ZNF516: variants seen among roughly 807,000 people sequenced by gnomAD.
ZNF516 encodes the protein zinc finger protein 516.
In ZNF516, 19 loss-of-function variants were observed where a neutral mutation model predicts 79.7. The ratio of observed to expected loss-of-function variants is 0.24; its 90% CI spans 0.17 to 0.35. The LOEUF is 0.35. Among genes scored for constraint, ZNF516 ranks in the 10% least tolerant of loss-of-function variants. The pLI, the probability that ZNF516 is intolerant of heterozygous loss-of-function variation, is 1.00. For missense variants in ZNF516, 1,678 were observed against 1,679.5 expected, an observed-to-expected ratio of 1.00 and a Z score of 0.02; for synonymous variants, 877 against 739.5, an observed-to-expected ratio of 1.19 and a Z score of -3.02.
intron 3 of ZNF516, among the ~76,000 whole-genome samples, chr18:76,427,047 G>GCA (rs1472100196): frequency 2.0e-5 from 3 of 152,244 alleles, no homozygotes; most frequent in Admixed American, 2.0e-4. Flanking sequence ...CTGCAAAGGT[G>GCA]AGGATCAGGG....
rs377121381 is a variant in ZNF516, at chr18:76,461,051, G to A, written c.-158+1977C>T. On this transcript the variant is annotated intron_variant, in intron 2 of 6. Transcript: ENST00000443185. Reference sequence around the variant, plus strand: ...AAAAAAATTAGCCGGGCGTGGTGGCGCATGCCTGTAATCCCAGCTACTTGG... The same window carrying A: ...AAAAAAATTAGCCGGGCGTGGTGGCACATGCCTGTAATCCCAGCTACTTGG... Among the ~76,000 whole-genome samples, 63 of 152,200 alleles carry A rather than the reference G, an allele frequency of 4.1e-4. 1 individual carries two copies. The East Asian group carries it at 0.01, about 25-fold the overall frequency.
chr18:76,364,054 C>A (rs931505710), intron 6 of ZNF516, among the ~76,000 whole-genome samples: 2 of 152,188 alleles, frequency 1.3e-5, no homozygotes, highest in Non-Finnish European at 2.9e-5. Context: ...GTTCCAGAGG[C>A]AACAGGAAGA....
intron 1 of ZNF516, among the ~76,000 whole-genome samples, chr18:76,466,046 G>A (rs1162341563): frequency 4.6e-5 from 7 of 152,138 alleles, no homozygotes; most frequent in African/African-American, 1.7e-4. Context: ...GAGGCCCCAA[G>A]CAGTCCTCTC....
intron 1 of ZNF516, among the ~76,000 whole-genome samples, chr18:76,470,312 A>C (rs1382123484): frequency 6.6e-6 from 1 of 152,164 alleles, no homozygotes; most frequent in Non-Finnish European, 1.5e-5. Context: ...GTCAGGATAC[A>C]ATTCTAATTC....
At chr18:76,496,072 A>C (rs1915468549), upstream of ZNF516, among the ~76,000 whole-genome samples, 1 of 151,490 alleles carries the variant, frequency 6.6e-6, no homozygotes, top group South Asian at 2.1e-4. Flanking sequence ...TAATAAGTTG[A>C]GTCTGGGACT....
intron 1 of ZNF516, among the ~76,000 whole-genome samples, chr18:76,489,804 A>G (rs565756224): frequency 2.3e-4 from 35 of 152,324 alleles, no homozygotes; most frequent in African/African-American, 7.7e-4. Flanking sequence ...AGCCATCTGG[A>G]AAGATTATTC....
intron 3 of ZNF516, among the ~76,000 whole-genome samples, chr18:76,427,317 T>G (rs1040410606): frequency 6.6e-6 from 1 of 152,100 alleles, no homozygotes; most frequent in South Asian, 2.1e-4. Flanking sequence ...ATGCTGGAGG[T>G]TTATATGAAA....
chr18:76,374,379 A>G (rs2074753531), intron 4 of ZNF516, among the ~76,000 whole-genome samples: 1 of 152,224 alleles, frequency 6.6e-6, no homozygotes, highest in African/African-American at 2.4e-5. Flanking sequence ...CACACTGTAC[A>G]ATGATTACAG....
At chr18:76,479,216 G>A (rs1914354573) in intron 1 of ZNF516, among the ~76,000 whole-genome samples, 1 of 152,154 alleles carries the variant, frequency 6.6e-6, no homozygotes, top group Admixed American at 6.5e-5. Context: ...AAGGGGCCTT[G>A]ACTTGGACCT....
At position 76,442,631 on chromosome 18, in the gene ZNF516, C is replaced by T. The variant is rs756656081; in HGVS notation, c.424G>A (p.Gly142Arg). 6.9e-6 allele frequency: 11 copies of T among 1,594,126 alleles called. No homozygotes were observed. Among genetic ancestry groups the T allele is most frequent in the East Asian group, 4.5e-5 (2 of 44,512 alleles). Residue 142 changes from glycine (G) to arginine (R), a missense_variant, in exon 3 of 7, where the codon GGG (glycine) becomes AGG (arginine). This residue lies in a region of ZNF516 where 279 missense variants were observed against 254.1 expected (regional missense o/e 1.10). Coordinates refer to ENST00000443185, the MANE Select transcript of ZNF516 (RefSeq NM_014643.4). ...CTGCCGCTGTCGGCCTGCGAGGCCCCGTTCAGGACCCTGGCGCCGTCGGCC... is the reference window on the plus strand; with the variant it reads ...CTGCCGCTGTCGGCCTGCGAGGCCCTGTTCAGGACCCTGGCGCCGTCGGCC... Reference protein sequence around the residue: ...SQADGARVLNGASQADSGRVL... With the variant: ...SQADGARVLNRASQADSGRVL...
intron 4 of ZNF516, among the ~76,000 whole-genome samples, chr18:76,377,407 G>A (rs1319682950): frequency 3.9e-5 from 6 of 152,280 alleles, no homozygotes; most frequent in Non-Finnish European, 8.8e-5. Flanking sequence ...ATCTGTAAGA[G>A]GGGCAGCAGG....
intron 3 of ZNF516, among the ~76,000 whole-genome samples, chr18:76,439,987 G>A (rs2075794179): frequency 6.6e-6 from 1 of 152,218 alleles, no homozygotes; most frequent in Non-Finnish European, 1.5e-5. Context: ...AATGAGCACA[G>A]CATTTTCAGA....
intron 6 of ZNF516, among the ~76,000 whole-genome samples, chr18:76,367,418 C>G (rs373811452): frequency 4.0e-4 from 61 of 152,320 alleles, no homozygotes; most frequent in African/African-American, 1.3e-3. Context: ...GTCAGCCCTG[C>G]CTAGGGCTCT....
At chr18:76,452,502 G>A (rs974825742) in intron 2 of ZNF516, among the ~76,000 whole-genome samples, 3 of 152,270 alleles carry the variant, frequency 2.0e-5, no homozygotes, top group South Asian at 2.1e-4. Flanking sequence ...CTCAGACCAC[G>A]GGCTGGAGTC....
chr18:76,425,790 G>A (rs2075585560), intron 3 of ZNF516, among the ~76,000 whole-genome samples: 1 of 152,182 alleles, frequency 6.6e-6, no homozygotes, highest in South Asian at 2.1e-4. Flanking sequence ...CGGCACTCAA[G>A]TCACTGACAA....
chr18:76,378,475 T>G (rs1287279632), intron 4 of ZNF516, among the ~76,000 whole-genome samples: 1 of 152,196 alleles, frequency 6.6e-6, no homozygotes, highest in African/African-American at 2.4e-5. Flanking sequence ...CATCTACGGA[T>G]TCTGTTTAAA....
chr18:76,481,597 G>C (rs949417258), intron 1 of ZNF516, among the ~76,000 whole-genome samples: 1 of 152,216 alleles, frequency 6.6e-6, no homozygotes, highest in African/African-American at 2.4e-5. Context: ...ACCTGTGCAG[G>C]CCTCAGTGTC....
chr18:76,384,429 G>T, intron 3 of ZNF516, among the ~76,000 whole-genome samples: 1 of 87,238 alleles, frequency 1.1e-5, no homozygotes, highest in South Asian at 5.0e-4. Context: ...CTCCCTCCAC[G>T]GTTCTCACGC....
upstream of ZNF516, chr18:76,496,129 G>A (rs1400399783): frequency 3.9e-6 from 2 of 507,784 alleles, no homozygotes; most frequent in African/African-American, 2.0e-5. Flanking sequence ...ACAGGGCAGG[G>A]ATGGCCGGGG....
Sources: gnomAD v4.1 joint callset for allele counts (sites outside exome capture counted in the v4.1 genomes callset) on GRCh38, gnomAD v4.1.1 for gene constraint, gnomAD v4.1.1 regional missense constraint, MANE v1.5 for transcripts, NCBI Gene and HGNC (gene_info 2026-07-23, HGNC 2026-07-21) for gene names.